Variants in GRM7 observed in about 807,000 individuals in gnomAD.
The protein encoded by GRM7 is glutamate metabotropic receptor 7, also known as metabotropic glutamate receptor 7.
GRM7 carries 35 observed loss-of-function variants against 84.5 expected under a neutral mutation model. That is an observed-to-expected ratio of 0.41 (90% CI 0.32 to 0.55). The LOEUF (loss-of-function observed/expected upper bound fraction) is 0.55. GRM7 is among the 20% of genes least tolerant of loss of function. The pLI, the probability that GRM7 is intolerant of heterozygous loss-of-function variation, is 0.19. For synonymous variants in GRM7, 487 were observed against 455.1 expected, an observed-to-expected ratio of 1.07 and a Z score of -0.89; for missense variants, 1,003 against 1,194.6, an observed-to-expected ratio of 0.84 and a Z score of 2.36.
chr3:7,458,949 C>G (rs1483304803), intron 6 of GRM7, among the ~76,000 whole-genome samples: 1 of 152,078 alleles, frequency 6.6e-6, no homozygotes, highest in Non-Finnish European at 1.5e-5. Flanking sequence ...CTTATATGCT[C>G]GCAAGACTTG....
At chr3:7,637,953 A>G (rs191602218) in intron 8 of GRM7, among the ~76,000 whole-genome samples, 99 of 152,336 alleles carry the variant, frequency 6.5e-4, no homozygotes, top group Admixed American at 1.7e-3. Context: ...GTTTGCCCAC[A>G]ACAGGAACGG....
intron 1 of GRM7, among the ~76,000 whole-genome samples, chr3:6,898,864 G>C (rs1696286264): frequency 6.6e-6 from 1 of 151,982 alleles, no homozygotes; most frequent in Admixed American, 6.6e-5. Flanking sequence ...AAGAGCACTG[G>C]AGCACTGATA....
chr3:7,604,549 A>C (rs1026893508), intron 8 of GRM7, among the ~76,000 whole-genome samples: 1 of 152,168 alleles, frequency 6.6e-6, no homozygotes, highest in African/African-American at 2.4e-5. Context: ...CATAATGCTC[A>C]GACCCCGTAA....
chr3:7,386,859 G>T (rs1165039803), intron 4 of GRM7, among the ~76,000 whole-genome samples: 1 of 152,136 alleles, frequency 6.6e-6, no homozygotes, highest in Non-Finnish European at 1.5e-5. Context: ...TTTCCACAGT[G>T]GCTGAGCTAA....
At chr3:6,990,553 G>A (rs553619502) in intron 1 of GRM7, among the ~76,000 whole-genome samples, 1 of 152,212 alleles carries the variant, frequency 6.6e-6, no homozygotes, top group African/African-American at 2.4e-5. Flanking sequence ...TTTCATGGAC[G>A]GGGGCTGAGT....
intron 1 of GRM7, among the ~76,000 whole-genome samples, chr3:6,979,831 A>G (rs1380493349): frequency 6.6e-6 from 1 of 152,210 alleles, no homozygotes; most frequent in Non-Finnish European, 1.5e-5. Context: ...AGAAGAAAGT[A>G]ATATAATAGG....
At chr3:7,479,732 C>T (rs1166954928) in intron 7 of GRM7, among the ~76,000 whole-genome samples, 1 of 151,996 alleles carries the variant, frequency 6.6e-6, no homozygotes, top group East Asian at 1.9e-4. Flanking sequence ...ACCAGAGGTC[C>T]CCAACTATGC....
intron 4 of GRM7, among the ~76,000 whole-genome samples, chr3:7,309,805 G>A (rs1415631525): frequency 1.3e-5 from 2 of 152,020 alleles, no homozygotes; most frequent in African/African-American, 2.4e-5. Context: ...ATGATGAAAG[G>A]AGCCAGTTTC....
intron 1 of GRM7, among the ~76,000 whole-genome samples, chr3:7,055,416 C>G (rs1300438423): frequency 6.6e-6 from 1 of 151,208 alleles, no homozygotes. Context: ...GTCAGGCTAA[C>G]GATTTCCTCT....
chr3:7,095,158 A>G (rs1263266759), intron 1 of GRM7, among the ~76,000 whole-genome samples: 1 of 152,154 alleles, frequency 6.6e-6, no homozygotes, highest in Non-Finnish European at 1.5e-5. Context: ...AAGTAAAAGG[A>G]CTTTTCACTT....
intron 7 of GRM7, among the ~76,000 whole-genome samples, chr3:7,571,906 A>T (rs1378894417): frequency 1.3e-5 from 2 of 152,214 alleles, no homozygotes; most frequent in African/African-American, 4.8e-5. Context: ...GGAGTAAGTC[A>T]TGTCTTACAT....
chr3:7,164,946 G>T (rs1292802978), intron 2 of GRM7, among the ~76,000 whole-genome samples: 2 of 152,162 alleles, frequency 1.3e-5, no homozygotes, highest in Non-Finnish European at 2.9e-5. Context: ...AACTAAAAAG[G>T]AGTCTTCAGG....
chr3:7,571,833 G>A (rs944049124), intron 7 of GRM7, among the ~76,000 whole-genome samples: 2 of 152,142 alleles, frequency 1.3e-5, no homozygotes, highest in Non-Finnish European at 2.9e-5. Flanking sequence ...GAGATTTATT[G>A]GACTCACAGT....
intron 7 of GRM7, among the ~76,000 whole-genome samples, chr3:7,505,217 C>T (rs1384490002): frequency 6.6e-6 from 1 of 152,226 alleles, no homozygotes; most frequent in African/African-American, 2.4e-5. Flanking sequence ...TGGACCCCCT[C>T]CTCCACAAAA....
intron 4 of GRM7, among the ~76,000 whole-genome samples, chr3:7,345,344 G>T (rs1011029943): frequency 2.0e-5 from 3 of 150,920 alleles, no homozygotes; most frequent in Non-Finnish European, 4.4e-5. Flanking sequence ...GTGGGATTTC[G>T]GCTCACTGCA....
intron 5 of GRM7, among the ~76,000 whole-genome samples, chr3:7,449,968 A>T (rs1402750339): frequency 6.6e-6 from 1 of 152,140 alleles, no homozygotes; most frequent in Non-Finnish European, 1.5e-5. Flanking sequence ...TTTATTAGAA[A>T]GAAATGAATA....
intron 2 of GRM7, among the ~76,000 whole-genome samples, chr3:7,281,833 T>G (rs1049984219): frequency 5.3e-5 from 8 of 152,228 alleles, no homozygotes; most frequent in African/African-American, 1.9e-4. Context: ...GTAATCCTAG[T>G]ACTTTGGGAG....
At chr3:7,342,515 A>G (rs1692688879) in intron 4 of GRM7, among the ~76,000 whole-genome samples, 1 of 152,098 alleles carries the variant, frequency 6.6e-6, no homozygotes, top group Non-Finnish European at 1.5e-5. Flanking sequence ...AATGAAACTT[A>G]TTTTTTATCT....
intron 2 of GRM7, among the ~76,000 whole-genome samples, chr3:7,219,861 G>A (rs1367327716): frequency 6.6e-6 from 1 of 152,168 alleles, no homozygotes; most frequent in Non-Finnish European, 1.5e-5. Flanking sequence ...TATTCAAGAT[G>A]ATTCTGGAGT....
Sources: gnomAD v4.1 joint callset for allele counts (sites outside exome capture counted in the v4.1 genomes callset) on GRCh38, gnomAD v4.1.1 for gene constraint, MANE v1.5 for transcripts, NCBI Gene and HGNC (gene_info 2026-07-23, HGNC 2026-07-21) for gene names.